Variants in RBM20 observed in about 807,000 individuals in gnomAD.
The protein encoded by RBM20 is RNA-binding protein 20.
Under a neutral mutation model 110.1 loss-of-function variants are expected in RBM20, and 51 were observed. That is an observed-to-expected ratio of 0.46 (90% CI 0.37 to 0.59). The LOEUF is 0.59. Among genes scored for constraint, RBM20 ranks in the 20% least tolerant of loss-of-function variants. The pLI is 0.00. For missense variants in RBM20, 1,512 were observed against 1,574.9 expected, an observed-to-expected ratio of 0.96 and a Z score of 0.68; for synonymous variants, 589 against 618.2, an observed-to-expected ratio of 0.95 and a Z score of 0.70.
At chr10:110,810,294 A>G (rs1844747830) in intron 7 of RBM20, 89 bp from the exon 8 acceptor site, 2 of 910,442 alleles carry the variant, frequency 2.2e-6, no homozygotes, top group African/African-American at 1.6e-5. Flanking sequence ...TTGGTGGACC[A>G]GGCAATGAAT....
At chr10:110,810,102 G>A (rs967726302) in intron 7 of RBM20, among the ~76,000 whole-genome samples, 10 of 151,876 alleles carry the variant, frequency 6.6e-5, no homozygotes, top group African/African-American at 1.9e-4. Flanking sequence ...GCAGAGGTGG[G>A]TATTAACAAA....
At chr10:110,768,168 G>A (rs1844134718) in intron 1 of RBM20, among the ~76,000 whole-genome samples, 1 of 152,220 alleles carries the variant, frequency 6.6e-6, no homozygotes, top group Non-Finnish European at 1.5e-5. Flanking sequence ...GCAGTGAGCC[G>A]AGATGGCAGC....
chr10:110,787,390 T>C (rs1844431800), intron 5 of RBM20, among the ~76,000 whole-genome samples: 1 of 152,226 alleles, frequency 6.6e-6, no homozygotes, highest in Non-Finnish European at 1.5e-5. Flanking sequence ...ACATATGAAG[T>C]AACCATGGCT....
At chr10:110,792,185 ATCTATG>A (rs1413906905) in intron 5 of RBM20, among the ~76,000 whole-genome samples, 1 of 151,354 alleles carries the variant, frequency 6.6e-6, no homozygotes, top group Admixed American at 6.6e-5. Context: ...CTATCTATCT[ATCTATG>A]TATCCATCAT....
At chr10:110,734,814 A>G (rs1335115077) in intron 1 of RBM20, among the ~76,000 whole-genome samples, 2 of 152,140 alleles carry the variant, frequency 1.3e-5, no homozygotes, top group African/African-American at 4.8e-5. Flanking sequence ...TGAATCTGCA[A>G]CTTTACTTTC....
chr10:110,749,307 G>T (rs2134982544), intron 1 of RBM20, among the ~76,000 whole-genome samples: 1 of 152,252 alleles, frequency 6.6e-6, no homozygotes, highest in Admixed American at 6.5e-5. Flanking sequence ...GAAATTCAGT[G>T]TCCATGTACA....
At chr10:110,697,316 A>C (rs1862680291) in intron 1 of RBM20, among the ~76,000 whole-genome samples, 1 of 152,202 alleles carries the variant, frequency 6.6e-6, no homozygotes, top group Non-Finnish European at 1.5e-5. Context: ...ACTCCTAGCC[A>C]GCTGCACTTT....
chr10:110,790,658 A>G (rs534283706), intron 5 of RBM20, among the ~76,000 whole-genome samples: 5 of 152,336 alleles, frequency 3.3e-5, no homozygotes, highest in African/African-American at 9.6e-5. Context: ...TCTGTTACAC[A>G]ATTTGTTTTT....
In RBM20 at chr10:110,682,476, C is replaced by T. The variant is rs563269968; in HGVS notation, c.191+37831C>T. Among the ~76,000 whole-genome samples, 206 of 152,174 alleles carry T rather than the reference C, an allele frequency of 1.4e-3. 1 individual carries two copies. Among genetic ancestry groups the T allele is most frequent in the African/African-American group, 4.2e-3 (173 of 41,526 alleles). ...TGTTGTGGCACAGATCAGCCTCAGA[C>T]AATATGTAAATAAATGAACATGGCT... On this transcript the variant is annotated intron_variant, in intron 1 of 13. Coordinates refer to ENST00000369519, the MANE Select transcript of RBM20 (RefSeq NM_001134363.3).
At chr10:110,687,993 TTTTGTGTG>T (rs1349972245) in intron 1 of RBM20, among the ~76,000 whole-genome samples, 3 of 103,416 alleles carry the variant, frequency 2.9e-5, no homozygotes, top group African/African-American at 1.1e-4. Context: ...TCCTAAATGG[TTTTGTGTG>T]TGTGTGTGTG....
intron 1 of RBM20, among the ~76,000 whole-genome samples, chr10:110,698,252 T>TC (rs34005679): frequency 0.47 from 72,209 of 152,022 alleles, 17,764 homozygotes; most frequent in Middle Eastern, 0.62. Context: ...GGCAAAGACT[T>TC]CCCCTATACT....
intron 9 of RBM20, among the ~76,000 whole-genome samples, chr10:110,819,106 C>T (rs909830920): frequency 6.6e-6 from 1 of 152,200 alleles, no homozygotes; most frequent in African/African-American, 2.4e-5. Flanking sequence ...TAGAACCAAC[C>T]TCAGCCAAGA....
chr10:110,688,627 A>G (rs1028169715), intron 1 of RBM20, among the ~76,000 whole-genome samples: 2 of 152,228 alleles, frequency 1.3e-5, no homozygotes, highest in African/African-American at 4.8e-5. Context: ...ATTTAAAAAA[A>G]AAGCACTGTT....
chr10:110,667,078 G>C (rs1862189271), intron 1 of RBM20, among the ~76,000 whole-genome samples: 1 of 152,226 alleles, frequency 6.6e-6, no homozygotes, highest in Admixed American at 6.5e-5. Context: ...TGGTCTTACT[G>C]TTCTGTGCCA....
chr10:110,761,297 C>T (rs531271632), intron 1 of RBM20: 14 of 147,792 alleles, frequency 9.5e-5, no homozygotes, highest in African/African-American at 3.0e-4. Context: ...CATCTAAACA[C>T]AATGATTCCT....
At chr10:110,684,043 TAAAG>T (rs1862461742) in intron 1 of RBM20, among the ~76,000 whole-genome samples, 1 of 152,204 alleles carries the variant, frequency 6.6e-6, no homozygotes, top group Admixed American at 6.5e-5. Context: ...ATTCAGCTCT[TAAAG>T]AAAGTCATGG....
intron 7 of RBM20, among the ~76,000 whole-genome samples, chr10:110,804,612 C>T (rs1413529727): frequency 2.6e-5 from 4 of 152,138 alleles, no homozygotes; most frequent in Admixed American, 6.5e-5. Context: ...GAGGCAGAAC[C>T]TTTCACATGA....
At chr10:110,671,453 C>T (rs564240579) in intron 1 of RBM20, among the ~76,000 whole-genome samples, 1 of 152,168 alleles carries the variant, frequency 6.6e-6, no homozygotes. Flanking sequence ...TAAGCGGAAC[C>T]ACTCTGCCCA....
At chr10:110,658,606 C>A (rs993540810) in intron 1 of RBM20, among the ~76,000 whole-genome samples, 2 of 152,150 alleles carry the variant, frequency 1.3e-5, no homozygotes, top group Non-Finnish European at 2.9e-5. Flanking sequence ...CCCAGCTCTA[C>A]CCCCGGCCTC....
Sources: allele counts gnomAD v4.1 joint callset (sites outside exome capture counted in the v4.1 genomes callset), GRCh38; gene constraint gnomAD v4.1.1; transcripts MANE v1.5; gene names NCBI Gene and HGNC (gene_info 2026-07-23, HGNC 2026-07-21).